The following PTPRG variants were observed in gnomAD, a reference collection of about 807,000 sequenced individuals.
The protein encoded by PTPRG is receptor-type tyrosine-protein phosphatase gamma.
A neutral mutation model predicts 165.3 loss-of-function variants in PTPRG; 102 were observed. The observed-to-expected ratio is 0.62, with a 90% confidence interval of 0.53 to 0.73. PTPRG has a LOEUF of 0.73. PTPRG is among the 30% of genes least tolerant of loss of function. The probability of loss-of-function intolerance (pLI) is 0.00; values close to 1 mark genes in which losing one functional copy is unlikely to be tolerated. For synonymous variants in PTPRG, 675 were observed against 669.5 expected (o/e 1.01, Z -0.13); for missense variants, 1,866 against 1,861.4 (o/e 1.00, Z -0.05).
chr3:62,062,013 TG>T (rs1034416872), intron 4 of PTPRG, among the ~76,000 whole-genome samples: 2 of 146,064 alleles, frequency 1.4e-5, no homozygotes, highest in African/African-American at 5.0e-5. Context: ...CAATTTAGTA[TG>T]GGGGGGCGGG....
intron 1 of PTPRG, among the ~76,000 whole-genome samples, chr3:61,624,673 C>A (rs751186635): frequency 6.6e-6 from 1 of 152,150 alleles, no homozygotes; most frequent in Non-Finnish European, 1.5e-5. Flanking sequence ...TGATACTTAA[C>A]CTCAGGTTCT....
rs1012983931 is a variant in PTPRG, at chr3:62,254,900, T to A, written c.2468-224T>A. ...AGGGGAATTCTCTATGTACCTTTTT[T>A]TAAAAACCATATTTAACCTGGCTTG... On this transcript the variant is annotated intron_variant, in intron 15 of 29. Transcript: ENST00000474889. The surrounding 1 kb of genome is among the most constrained non-coding windows in gnomAD (Gnocchi z 4.6). Among the ~76,000 whole-genome samples the A allele has an allele frequency of 6.6e-6, 1 of 152,170 alleles. No homozygotes were observed. Among genetic ancestry groups the A allele is most frequent in the Non-Finnish European group, 1.5e-5 (1 of 68,038 alleles).
rs1482688400 is a variant in PTPRG, at chr3:62,245,452, G to C, written c.2467+1554G>C. ...TTGTCTGACACAGACTCAGTTGTTT[G>C]GTAGCTGTGTAACTGAAATCCATTT... On this transcript the variant is annotated intron_variant, in intron 15 of 29. Transcript: ENST00000474889. This position sits in a 1 kb window ranked among gnomAD's most constrained non-coding sequence, Gnocchi z 4.2. Among the ~76,000 whole-genome samples the C allele has an allele frequency of 6.6e-6, 1 of 152,130 alleles. No homozygotes were observed. Among genetic ancestry groups the C allele is most frequent in the Admixed American group, 6.5e-5 (1 of 15,268 alleles).
chr3:62,013,595 C>T (rs1389088770), intron 4 of PTPRG, among the ~76,000 whole-genome samples: 1 of 152,076 alleles, frequency 6.6e-6, no homozygotes, highest in Non-Finnish European at 1.5e-5. Context: ...GCTTGGGTAG[C>T]TATGGGAAAT....
intron 1 of PTPRG, among the ~76,000 whole-genome samples, chr3:61,733,195 C>T (rs756060298): frequency 6.6e-6 from 1 of 152,168 alleles, no homozygotes; most frequent in African/African-American, 2.4e-5. Flanking sequence ...TGTATCAGTT[C>T]AAACATGTTC....
chr3:61,681,210 A>G (rs1703430934), intron 1 of PTPRG, among the ~76,000 whole-genome samples: 1 of 152,102 alleles, frequency 6.6e-6, no homozygotes, highest in African/African-American at 2.4e-5. Flanking sequence ...TAAAACCTTC[A>G]CTCTGCGTTT....
At chr3:61,713,162 ATGT>A (rs1559569706) in intron 1 of PTPRG, among the ~76,000 whole-genome samples, 4 of 144,060 alleles carry the variant, frequency 2.8e-5, no homozygotes, top group East Asian at 2.1e-4. Context: ...AACATCAAAT[ATGT>A]TTTTTTTTTT....
intron 1 of PTPRG, among the ~76,000 whole-genome samples, chr3:61,698,914 C>G (rs1030045835): frequency 6.6e-6 from 1 of 151,868 alleles, no homozygotes; most frequent in African/African-American, 2.4e-5. Flanking sequence ...CAAACTATCG[C>G]AAGGACAAAA....
At chr3:61,886,359 A>C (rs891224655) in intron 2 of PTPRG, among the ~76,000 whole-genome samples, 33 of 152,182 alleles carry the variant, frequency 2.2e-4, no homozygotes, top group African/African-American at 7.2e-4. Flanking sequence ...TCAAGTCTCA[A>C]TGACTACCTA....
intron 1 of PTPRG, among the ~76,000 whole-genome samples, chr3:61,734,768 C>T (rs12629204): frequency 0.18 from 28,041 of 152,050 alleles, 3,395 homozygotes; most frequent in East Asian, 0.53. Context: ...TTTGATTGAC[C>T]GTATTGCAGA....
intron 2 of PTPRG, among the ~76,000 whole-genome samples, chr3:61,822,618 C>A (rs1322148612): frequency 6.6e-6 from 1 of 152,228 alleles, no homozygotes; most frequent in Non-Finnish European, 1.5e-5. Flanking sequence ...AAAGGAGCTA[C>A]ATCCTTTAGA....
rs150846399 is a variant in PTPRG at position 62,143,750 on chromosome 3, G to A, written c.682+11082G>A. Reference sequence around the variant, plus strand: ...GACTCTTAGGAACACAACTGAATGAGGTTTCTAGAGCAGTACTTCAAAGTT... The same window carrying A: ...GACTCTTAGGAACACAACTGAATGAAGTTTCTAGAGCAGTACTTCAAAGTT... On this transcript the variant is annotated intron_variant, in intron 6 of 29. Coordinates refer to ENST00000474889, the MANE Select transcript of PTPRG (RefSeq NM_002841.4). 5.6e-3 allele frequency among the ~76,000 whole-genome samples: 857 copies of A among 152,220 alleles called. 4 individuals carry two copies. Among genetic ancestry groups the A allele is most frequent in the Middle Eastern group, 0.041 (12 of 294 alleles).
intron 2 of PTPRG, among the ~76,000 whole-genome samples, chr3:61,762,619 C>T (rs1301956847): frequency 6.6e-6 from 1 of 152,122 alleles, no homozygotes; most frequent in Non-Finnish European, 1.5e-5. Flanking sequence ...TTCTCTTTGA[C>T]GTATGAGTAC....
chr3:62,092,439 GAAAAAAAA>G (rs55955359), intron 5 of PTPRG, among the ~76,000 whole-genome samples: 38 of 89,432 alleles, frequency 4.2e-4, no homozygotes, highest in African/African-American at 1.5e-3. Context: ...GAGTCCATCT[GAAAAAAAA>G]AAAAAAAAAA....
At chr3:62,103,887 A>G (rs565495106) in intron 5 of PTPRG, among the ~76,000 whole-genome samples, 1 of 152,326 alleles carries the variant, frequency 6.6e-6, no homozygotes, top group East Asian at 1.9e-4. Context: ...AGCAACTTGC[A>G]TTTTACCAAG....
intron 4 of PTPRG, among the ~76,000 whole-genome samples, chr3:62,070,231 A>C (rs1701164919): frequency 6.6e-6 from 1 of 152,236 alleles, no homozygotes; most frequent in African/African-American, 2.4e-5. Flanking sequence ...ATCTGTATTT[A>C]GCAGAACCAT....
At chr3:61,825,589 A>G (rs2036083480) in intron 2 of PTPRG, among the ~76,000 whole-genome samples, 1 of 152,126 alleles carries the variant, frequency 6.6e-6, no homozygotes, top group Non-Finnish European at 1.5e-5. Flanking sequence ...AAATTTCACA[A>G]ATTTGGAATA....
At chr3:62,249,571 T>C (rs2106967164) in intron 15 of PTPRG, among the ~76,000 whole-genome samples, 1 of 152,194 alleles carries the variant, frequency 6.6e-6, no homozygotes, top group Admixed American at 6.6e-5. Context: ...GTGGGTGACT[T>C]AAGGACCTCT....
intron 1 of PTPRG, among the ~76,000 whole-genome samples, chr3:61,613,236 T>C (rs1409295576): frequency 6.6e-6 from 1 of 152,202 alleles, no homozygotes; most frequent in East Asian, 1.9e-4. Context: ...TCTGACTTAA[T>C]GCAGAGAGAT....
Sources: allele counts gnomAD v4.1 joint callset (sites outside exome capture counted in the v4.1 genomes callset), GRCh38; gene constraint gnomAD v4.1.1; non-coding constraint Gnocchi (gnomAD v3.1); transcripts MANE v1.5; gene names NCBI Gene and HGNC (gene_info 2026-07-23, HGNC 2026-07-21).